The following STARD3NL variants were observed in gnomAD, a reference collection of about 807,000 sequenced individuals.
STARD3NL encodes STARD3 N-terminal like.
A neutral mutation model predicts 30.9 loss-of-function variants in STARD3NL; 17 were observed. The ratio of observed to expected loss-of-function variants is 0.55; its 90% confidence interval spans 0.38 to 0.82. The LOEUF is 0.82. Among genes scored for constraint, STARD3NL ranks in the 40% least tolerant of loss-of-function variants. STARD3NL has a pLI of 0.00. For synonymous variants in STARD3NL, 112 were observed against 100.5 expected (o/e 1.11, Z -0.69); for missense variants, 234 against 277.6 (o/e 0.84, Z 1.12).
At chr7:38,205,990 A>G (rs1203579081) in intron 1 of STARD3NL, among the ~76,000 whole-genome samples, 3 of 152,208 alleles carry the variant, frequency 2.0e-5, no homozygotes, top group African/African-American at 4.8e-5. Flanking sequence ...CTTATTTCAC[A>G]TAATCAAATT....
chr7:38,199,154 A>C (rs1171519464), intron 1 of STARD3NL, among the ~76,000 whole-genome samples: 4 of 152,226 alleles, frequency 2.6e-5, no homozygotes, highest in Non-Finnish European at 5.9e-5. Context: ...CTTCCCACAC[A>C]GTTGGGATAA....
intron 4 of STARD3NL, chr7:38,216,758 A>C (rs1477618758): frequency 2.5e-5 from 12 of 479,998 alleles, no homozygotes; most frequent in Non-Finnish European, 4.1e-5. Flanking sequence ...GGTGGATCAA[A>C]CTTAGTTACC....
rs907255129 is a variant in STARD3NL, at chr7:38,218,238, C to T, written c.553+933C>T. Among the ~76,000 whole-genome samples, 68 of 152,056 alleles carry T rather than the reference C, an allele frequency of 4.5e-4. 1 individual carries two copies. Among genetic ancestry groups the T allele is most frequent in the African/African-American group, 1.6e-3 (67 of 41,392 alleles). ...CTGCCTCATAGGAAAAAAAAAGTATCTTATAGAAAGTTAAGCATGATTATA... is the reference window on the plus strand; with the variant it reads ...CTGCCTCATAGGAAAAAAAAAGTATTTTATAGAAAGTTAAGCATGATTATA... On this transcript the variant is annotated intron_variant, in intron 6 of 8. Coordinates refer to ENST00000009041, the MANE Select transcript of STARD3NL (RefSeq NM_032016.4).
chr7:38,190,936 C>T (rs10240718), intron 1 of STARD3NL, among the ~76,000 whole-genome samples: 12,386 of 152,154 alleles, frequency 0.081, 565 homozygotes, highest in African/African-American at 0.1. Context: ...TTATATAGTT[C>T]TTGTTGCAAC....
chr7:38,186,750 C>G (rs1784475376), intron 1 of STARD3NL, among the ~76,000 whole-genome samples: 1 of 152,276 alleles, frequency 6.6e-6, no homozygotes, highest in Non-Finnish European at 1.5e-5. Flanking sequence ...GTGGGCTCTA[C>G]CATCTAGGTT....
chr7:38,219,697 C>T (rs1363548891), intron 7 of STARD3NL, 37 bp downstream of exon 7: 1 of 1,535,518 alleles, frequency 6.5e-7, no homozygotes, highest in Non-Finnish European at 9.0e-7. Flanking sequence ...TTGTATCTCT[C>T]ATTCAAAGGC....
intron 1 of STARD3NL, among the ~76,000 whole-genome samples, chr7:38,201,141 TCTC>T (rs1047185339): frequency 1.3e-5 from 2 of 152,174 alleles, no homozygotes; most frequent in Non-Finnish European, 2.9e-5. Context: ...GCAAGCTCAC[TCTC>T]CTTTTTACAA....
intron 1 of STARD3NL, 139 bp downstream of exon 1, chr7:38,178,559 C>G (rs1412874150): frequency 1.3e-5 from 2 of 152,630 alleles, no homozygotes; most frequent in African/African-American, 2.4e-5. Context: ...GAGTCCTGCG[C>G]GAGCCTCCAG....
chr7:38,213,709 C>G (rs1785940524), intron 2 of STARD3NL, among the ~76,000 whole-genome samples: 1 of 152,102 alleles, frequency 6.6e-6, no homozygotes, highest in Non-Finnish European at 1.5e-5. Context: ...GAATTTTGAG[C>G]TCGATAATAC....
At chr7:38,186,606 G>A (rs960824157) in intron 1 of STARD3NL, among the ~76,000 whole-genome samples, 12 of 152,098 alleles carry the variant, frequency 7.9e-5, no homozygotes, top group African/African-American at 2.9e-4. Context: ...CCATATTTTT[G>A]CTGTATTGTT....
At chr7:38,179,337 G>A (rs1784152793) in intron 1 of STARD3NL, among the ~76,000 whole-genome samples, 1 of 152,226 alleles carries the variant, frequency 6.6e-6, no homozygotes. Flanking sequence ...TGATAAGGTG[G>A]TGGATTATTC....
At chr7:38,195,585 T>G (rs1470746689) in intron 1 of STARD3NL, among the ~76,000 whole-genome samples, 1 of 152,242 alleles carries the variant, frequency 6.6e-6, no homozygotes, top group East Asian at 1.9e-4. Context: ...GTTCAGTGAT[T>G]CTAGCTTTGC....
In STARD3NL at chr7:38,215,045, A is replaced by G. The variant is rs1475242188; in HGVS notation, c.321A>G (p.Arg107=). ...ACTTTCAGCTTCTGGCAGTTTTTCG[A>G]TTTAAAGTGTTAATACTTGCATATG... The part of the protein sequence containing the change: ...YFDIFLLAVF[R]FKVLILAYAV... The change falls in exon 4 of 9, where the codon CGA becomes CGG. Residue 107 remains arginine (R), a synonymous_variant. Coordinates refer to ENST00000009041, the MANE Select transcript of STARD3NL (RefSeq NM_032016.4). 6.2e-7 allele frequency: 1 copy of G among 1,613,772 alleles called. No homozygotes were observed. Among genetic ancestry groups the G allele is most frequent in the African/African-American group, 1.3e-5 (1 of 74,896 alleles).
intron 1 of STARD3NL, among the ~76,000 whole-genome samples, chr7:38,180,569 C>T (rs1784206637): frequency 6.6e-6 from 1 of 152,186 alleles, no homozygotes. Flanking sequence ...TTCCTTCCAA[C>T]TTGTGGCAAA....
chr7:38,194,215 G>T (rs563619756), intron 1 of STARD3NL, among the ~76,000 whole-genome samples: 263 of 152,126 alleles, frequency 1.7e-3, no homozygotes, highest in African/African-American at 6.0e-3. Context: ...TTCTATAGTG[G>T]TACTTGTATT....
intron 1 of STARD3NL, among the ~76,000 whole-genome samples, chr7:38,195,031 C>T (rs953972095): frequency 1.3e-5 from 2 of 152,036 alleles, no homozygotes; most frequent in Admixed American, 1.3e-4. Flanking sequence ...AAAGCATACA[C>T]TGATACTGAG....
Position 38,219,580 on chromosome 7 carries a change from A to G in STARD3NL, c.569A>G (p.Gln190Arg). The G allele has an allele frequency of 6.2e-7, 1 of 1,609,648 alleles. No individual in the cohort carries two copies. The highest frequency in any genetic ancestry group is 8.5e-7 in the Non-Finnish European group (1 of 1,176,492). Residue 190 changes from glutamine (Q) to arginine (R), a missense_variant, in exon 7 of 9, where the codon CAG (glutamine) becomes CGG (arginine). Physicochemically the swap from Gln to Arg is conservative, Grantham distance 43 (BLOSUM62 1). Coordinates refer to ENST00000009041, the MANE Select transcript of STARD3NL (RefSeq NM_032016.4). ...AEEENRLLIVQDASERAALIP... is the reference protein window; with the variant it reads ...AEEENRLLIVRDASERAALIP... Reference sequence around the variant, plus strand: ...TCTCTTCCAGGACTCCTGATAGTTCAGGATGCTTCAGAGAGGGCAGCACTT... The same window carrying G: ...TCTCTTCCAGGACTCCTGATAGTTCGGGATGCTTCAGAGAGGGCAGCACTT...
At chr7:38,220,616 T>G (rs1786398837) in intron 7 of STARD3NL, among the ~76,000 whole-genome samples, 1 of 152,214 alleles carries the variant, frequency 6.6e-6, no homozygotes, top group Non-Finnish European at 1.5e-5. Flanking sequence ...AGTTACCATA[T>G]GATTCAACAC....
chr7:38,192,940 G>A (rs1256023691), intron 1 of STARD3NL, among the ~76,000 whole-genome samples: 1 of 150,362 alleles, frequency 6.7e-6, no homozygotes, highest in Non-Finnish European at 1.5e-5. Flanking sequence ...TTACATTGTT[G>A]TTGGTTTTTT....
Sources: gnomAD v4.1 joint callset for allele counts (sites outside exome capture counted in the v4.1 genomes callset) on GRCh38, gnomAD v4.1.1 for gene constraint, MANE v1.5 for transcripts, NCBI Gene and HGNC (gene_info 2026-07-23, HGNC 2026-07-21) for gene names.